The following CACNB2 variants were observed in gnomAD, a reference collection of about 807,000 sequenced individuals.
CACNB2 encodes voltage-dependent L-type calcium channel subunit beta-2.
A neutral mutation model predicts 73.3 loss-of-function variants in CACNB2; 42 were observed. That is an observed-to-expected ratio of 0.57 (90% CI 0.45 to 0.74). CACNB2 has a LOEUF of 0.74. CACNB2 is among the 30% of genes least tolerant of loss of function. The probability of loss-of-function intolerance (pLI) is 0.00; values close to 1 mark genes in which losing one functional copy is unlikely to be tolerated. For missense variants in CACNB2, 940 were observed against 853.0 expected (o/e 1.10, Z -1.27); for synonymous variants, 348 against 310.3 (o/e 1.12, Z -1.28).
At chr10:18,369,638 G>A (rs1315720018) in intron 2 of CACNB2, among the ~76,000 whole-genome samples, 1 of 152,194 alleles carries the variant, frequency 6.6e-6, no homozygotes, top group Non-Finnish European at 1.5e-5. Flanking sequence ...CGAGCATGGG[G>A]TTTCACACCT....
At chr10:18,431,840 C>A (rs2045905497) in intron 3 of CACNB2, among the ~76,000 whole-genome samples, 1 of 152,038 alleles carries the variant, frequency 6.6e-6, no homozygotes, top group Non-Finnish European at 1.5e-5. Flanking sequence ...TCTCAGCTTA[C>A]TACAACCTCT....
chr10:18,429,273 C>T (rs576237222), intron 3 of CACNB2, among the ~76,000 whole-genome samples: 2 of 152,264 alleles, frequency 1.3e-5, no homozygotes, highest in Non-Finnish European at 2.9e-5. Flanking sequence ...ACCATGTCAG[C>T]TCTTTGTATG....
intron 2 of CACNB2, among the ~76,000 whole-genome samples, chr10:18,205,211 A>G (rs1250991083): frequency 1.3e-5 from 2 of 152,200 alleles, no homozygotes; most frequent in Non-Finnish European, 2.9e-5. Context: ...AATCAGAAAG[A>G]CTTGAGCATT....
chr10:18,192,669 A>G (rs1446857802), intron 2 of CACNB2, among the ~76,000 whole-genome samples: 1 of 152,200 alleles, frequency 6.6e-6, no homozygotes, highest in East Asian at 1.9e-4. Context: ...GGCCCTGGCA[A>G]CCACCAATCT....
At chr10:18,417,182 T>C (rs981479198) in intron 3 of CACNB2, among the ~76,000 whole-genome samples, 2 of 98,780 alleles carry the variant, frequency 2.0e-5, no homozygotes, top group African/African-American at 9.0e-5. Flanking sequence ...ATTTTAAAAG[T>C]ATAAACATCT....
chr10:18,404,994 A>G (rs2044207141), intron 3 of CACNB2, among the ~76,000 whole-genome samples: 1 of 152,184 alleles, frequency 6.6e-6, no homozygotes, highest in African/African-American at 2.4e-5. Context: ...TTGATGTTGT[A>G]CAGTTATGGC....
intron 9 of CACNB2, among the ~76,000 whole-genome samples, chr10:18,524,899 A>T (rs2052312220): frequency 6.7e-6 from 1 of 149,694 alleles, no homozygotes; most frequent in African/African-American, 2.5e-5. Context: ...GTGTGGTGGC[A>T]TGCACCTGTA....
At position 18,309,584 on chromosome 10, in the gene CACNB2, A is replaced by G. The variant is rs376763157; in HGVS notation, c.214-92340A>G. Among the ~76,000 whole-genome samples the G allele has an allele frequency of 8.5e-5, 13 of 152,204 alleles. No individual in the cohort carries two copies. In the East Asian group the frequency reaches 2.5e-3, roughly 29 times the overall value. ...GCGATTCTCCTGACTCAGCCTCCCA[A>G]GTAGCTGGGATTACAGTCCCGCGCC... On this transcript the variant is annotated intron_variant, in intron 2 of 13. Transcript: ENST00000324631.
At chr10:18,193,128 A>G (rs2034477903) in intron 2 of CACNB2, among the ~76,000 whole-genome samples, 2 of 152,216 alleles carry the variant, frequency 1.3e-5, no homozygotes, top group Non-Finnish European at 2.9e-5. Context: ...TGATCAAATC[A>G]GGGTAATTAG....
chr10:18,249,681 C>T (rs941253097), intron 2 of CACNB2, among the ~76,000 whole-genome samples: 5 of 152,110 alleles, frequency 3.3e-5, no homozygotes, highest in Admixed American at 6.5e-5. Context: ...CAGTTTTCAG[C>T]TCCTCTTTCT....
chr10:18,373,416 T>G (rs1348276090), intron 2 of CACNB2, among the ~76,000 whole-genome samples: 2 of 152,204 alleles, frequency 1.3e-5, no homozygotes, highest in Non-Finnish European at 2.9e-5. Context: ...CAGCTATTAT[T>G]TATTGAATAT....
intron 3 of CACNB2, among the ~76,000 whole-genome samples, chr10:18,469,068 C>T (rs908279798): frequency 1.3e-5 from 2 of 152,032 alleles, no homozygotes; most frequent in African/African-American, 2.4e-5. Flanking sequence ...GGCAACAAAG[C>T]GAGACCCTGT....
intron 3 of CACNB2, among the ~76,000 whole-genome samples, chr10:18,455,602 T>C (rs1175370248): frequency 3.3e-5 from 5 of 152,218 alleles, no homozygotes; most frequent in Admixed American, 3.3e-4. Flanking sequence ...TTTTTAGTAA[T>C]GGAACTTAGC....
intron 2 of CACNB2, among the ~76,000 whole-genome samples, chr10:18,232,797 G>C (rs1349960393): frequency 6.6e-6 from 1 of 152,124 alleles, no homozygotes; most frequent in Non-Finnish European, 1.5e-5. Context: ...CTTTTGAATA[G>C]CTTAGAGAGG....
intron 2 of CACNB2, among the ~76,000 whole-genome samples, chr10:18,395,770 T>G (rs377235054): frequency 5.8e-4 from 88 of 152,348 alleles, no homozygotes; most frequent in African/African-American, 2.0e-3. Context: ...GTTACTATTT[T>G]GACACTCAGC....
chr10:18,325,278 C>T (rs1164900978), intron 2 of CACNB2, among the ~76,000 whole-genome samples: 3 of 152,216 alleles, frequency 2.0e-5, no homozygotes, highest in Non-Finnish European at 4.4e-5. Context: ...TAACCTTGTC[C>T]TCCTGGGCTC....
At chr10:18,467,060 A>G (rs11596252) in intron 3 of CACNB2, among the ~76,000 whole-genome samples, 20,364 of 152,160 alleles carry the variant, frequency 0.13, 1,513 homozygotes, top group Admixed American at 0.2. Flanking sequence ...AGGCTGAGGC[A>G]GGAGAATTGC....
chr10:18,242,837 A>G (rs2036709344), intron 2 of CACNB2, among the ~76,000 whole-genome samples: 1 of 151,164 alleles, frequency 6.6e-6, no homozygotes, highest in Non-Finnish European at 1.5e-5. Flanking sequence ...GCAAAAAAAA[A>G]AAAACCAAAA....
chr10:18,277,139 G>C (rs541158457), intron 2 of CACNB2, among the ~76,000 whole-genome samples: 2 of 152,220 alleles, frequency 1.3e-5, no homozygotes, highest in South Asian at 4.2e-4. Flanking sequence ...AGTCATGGAG[G>C]GTCATGGCAA....
Sources: gnomAD v4.1 joint callset for allele counts (sites outside exome capture counted in the v4.1 genomes callset) on GRCh38, gnomAD v4.1.1 for gene constraint, MANE v1.5 for transcripts, NCBI Gene and HGNC (gene_info 2026-07-23, HGNC 2026-07-21) for gene names.